The following TMPRSS11B variants were observed in gnomAD, a reference collection of about 807,000 sequenced individuals.
TMPRSS11B encodes the protein transmembrane protease serine 11B.
Under a neutral mutation model 44.7 loss-of-function variants are expected in TMPRSS11B, and 53 were observed. The ratio of observed to expected loss-of-function variants is 1.19; its 90% CI spans 0.95 to 1.49. The LOEUF is 1.49. Among genes scored for constraint, TMPRSS11B ranks in the 40% most tolerant of loss-of-function variants. TMPRSS11B has a pLI of 0.00. For missense variants in TMPRSS11B, 526 were observed against 494.8 expected, an observed-to-expected ratio of 1.06 and a Z score of -0.60; for synonymous variants, 140 against 159.2, an observed-to-expected ratio of 0.88 and a Z score of 0.91.
Position 68,241,739 on chromosome 4 carries a change from G to T in TMPRSS11B, c.74C>A (p.Ala25Glu), listed in dbSNP as rs765977013. The change falls in exon 2 of 10, where the codon GCG (alanine) becomes GAG (glutamate). Residue 25 changes from alanine to glutamate, a missense_variant. By Grantham distance (107) the Ala-to-Glu change is moderately radical (BLOSUM62 -1). Transcript: ENST00000332644. Reference sequence around the variant, plus strand: ...ACCAATGGTTACTCCCAAGATTGCCGCCACTCCAAGAAAAATAAAGATCGT... The same window carrying T: ...ACCAATGGTTACTCCCAAGATTGCCTCCACTCCAAGAAAAATAAAGATCGT... Reference protein sequence around the residue: ...WTTIFIFLGVAAILGVTIGLL... With the variant: ...WTTIFIFLGVEAILGVTIGLL... 2 of 1,612,966 alleles carry T rather than the reference G, an allele frequency of 1.2e-6. No individual in the cohort carries two copies. The highest frequency in any genetic ancestry group is 1.1e-5 in the South Asian group (1 of 91,026).
chr4:68,232,750 G>A (rs554166697), intron 5 of TMPRSS11B, among the ~76,000 whole-genome samples: 1 of 152,284 alleles, frequency 6.6e-6, no homozygotes, highest in African/African-American at 2.4e-5. Flanking sequence ...GGGTACATGT[G>A]CACAACGTGC....
Position 68,236,068 on chromosome 4 carries a change from A to G in TMPRSS11B, c.242T>C (p.Met81Thr). 1 of 1,591,434 alleles carries G rather than the reference A, an allele frequency of 6.3e-7. No individual in the cohort carries two copies. Residue 81 changes from methionine (M) to threonine (T), a missense_variant and splice_region_variant, in exon 4 of 10, where the codon ATG becomes ACG. Met to Thr is a moderately conservative substitution (Grantham distance 81, BLOSUM62 -1). Coordinates refer to ENST00000332644, the MANE Select transcript of TMPRSS11B (RefSeq NM_182502.3). Reference sequence around the variant, plus strand: ...ACTGGAATTTTGAAATGCATTTAACATCTGACAAGAGAAAAAAAACAGTCA... The same window carrying G: ...ACTGGAATTTTGAAATGCATTTAACGTCTGACAAGAGAAAAAAAACAGTCA... ...TNLSKDIETK[M>T]LNAFQNSSIY... is the part of the protein sequence containing the mutation.
In TMPRSS11B at chr4:68,241,670, G is replaced by A; in HGVS notation, c.124+19C>T. ...AAGATTTATAGCAAGGATGAAAACT[G>A]AAAATAATCAGTACTCACCAACTGC... On this transcript the variant is annotated intron_variant, in intron 2 of 9. Coordinates refer to ENST00000332644, the MANE Select transcript of TMPRSS11B (RefSeq NM_182502.3). 1 of 1,460,994 alleles carries A rather than the reference G, an allele frequency of 6.8e-7. No individual in the cohort carries two copies. Among genetic ancestry groups the A allele is most frequent in the Non-Finnish European group, 9.5e-7 (1 of 1,050,976 alleles). 90.5% of individuals were successfully genotyped at this position (1,460,994 alleles called of 1,614,324 possible). A position where few individuals can be genotyped will look rare whatever the true frequency, so the allele number is the denominator to read the frequency against.
intron 2 of TMPRSS11B, among the ~76,000 whole-genome samples, chr4:68,236,794 C>T (rs1463082246): frequency 6.6e-6 from 1 of 152,076 alleles, no homozygotes; most frequent in African/African-American, 2.4e-5. Context: ...AGGAAACATA[C>T]AAGCATCAGT....
chr4:68,242,203 A>ACAAGT (rs1560445279), intron 1 of TMPRSS11B, among the ~76,000 whole-genome samples: 1 of 41,130 alleles, frequency 2.4e-5, no homozygotes, highest in African/African-American at 8.9e-5. Flanking sequence ...ACATAATATA[A>ACAAGT]TATAATATAT....
chr4:68,245,038 AAG>A (rs921469202), intron 1 of TMPRSS11B, among the ~76,000 whole-genome samples: 3 of 152,182 alleles, frequency 2.0e-5, no homozygotes, highest in African/African-American at 4.8e-5. Context: ...CTTTGAACAA[AAG>A]AGAGTCTACA....
At chr4:68,229,114 T>C (rs1331615696) in intron 8 of TMPRSS11B, 143 bp downstream of exon 8, 1 of 982,922 alleles carries the variant, frequency 1.0e-6, no homozygotes, top group Non-Finnish European at 1.5e-6. Context: ...TTTGACATCA[T>C]GCTTTTTGTC....
At position 68,228,810 on chromosome 4, in the gene TMPRSS11B, A is replaced by C. The variant is rs1238786930; in HGVS notation, c.1021T>G (p.Tyr341Asp). The C allele has an allele frequency of 1.9e-6, 3 of 1,613,892 alleles. No homozygotes were observed. The highest frequency in any genetic ancestry group is 2.5e-6 in the Non-Finnish European group (3 of 1,179,876). The change falls in exon 9 of 10, where the codon TAC (tyrosine) becomes GAC (aspartate). Residue 341 changes from tyrosine (Y) to aspartate (D), a missense_variant. Physicochemically the swap from Tyr to Asp is radical, Grantham distance 160 (BLOSUM62 -3). Transcript: ENST00000332644. ...ATTGTATCAGTCACAAAGCCAGAGT[A>C]TGCATATGAGGCATTGCAAATTTTG... ...DNKICNASYA[Y>D]SGFVTDTMLC...
chr4:68,235,521 T>C (rs1719634413), intron 4 of TMPRSS11B, among the ~76,000 whole-genome samples: 1 of 152,166 alleles, frequency 6.6e-6, no homozygotes, highest in South Asian at 2.1e-4. Context: ...CCTTCAAAGG[T>C]GTGTCTAGAC....
chr4:68,245,419 G>C (rs769513072), intron 1 of TMPRSS11B, 132 bp downstream of exon 1: 9 of 968,348 alleles, frequency 9.3e-6, no homozygotes, highest in Admixed American at 3.5e-5. Context: ...TCAGACAATA[G>C]AGTGTTTCTT....
intron 1 of TMPRSS11B, among the ~76,000 whole-genome samples, 185 bp downstream of exon 1, chr4:68,245,366 A>G (rs1719970898): frequency 6.6e-6 from 1 of 152,064 alleles, no homozygotes; most frequent in Non-Finnish European, 1.5e-5. Context: ...TTTCTTTTTA[A>G]CTTTTGGAAA....
intron 2 of TMPRSS11B, among the ~76,000 whole-genome samples, chr4:68,239,128 GT>G (rs1719750355): frequency 6.6e-6 from 1 of 152,216 alleles, no homozygotes; most frequent in Non-Finnish European, 1.5e-5. Flanking sequence ...AAACACCAAT[GT>G]GACTGTATTT....
intron 1 of TMPRSS11B, among the ~76,000 whole-genome samples, chr4:68,243,157 A>C (rs1383831891): frequency 6.6e-6 from 1 of 152,184 alleles, no homozygotes; most frequent in East Asian, 1.9e-4. Context: ...TCATGATTTC[A>C]AATGCAAAAC....
chr4:68,235,116 A>G (rs1236692717), intron 4 of TMPRSS11B, among the ~76,000 whole-genome samples: 1 of 152,180 alleles, frequency 6.6e-6, no homozygotes, highest in Admixed American at 6.5e-5. Flanking sequence ...AGATCTATAC[A>G]ATGAAAAAGC....
At chr4:68,244,790 A>G (rs1022689385) in intron 1 of TMPRSS11B, among the ~76,000 whole-genome samples, 7 of 152,248 alleles carry the variant, frequency 4.6e-5, no homozygotes, top group African/African-American at 1.7e-4. Flanking sequence ...TAAAAAATAT[A>G]TAATTTTCAT....
chr4:68,241,934 C>A, intron 1 of TMPRSS11B, 130 bp from the exon 2 acceptor site: 1 of 603,790 alleles, frequency 1.7e-6, no homozygotes, highest in Non-Finnish European at 3.0e-6. Flanking sequence ...AACATAGAAA[C>A]CTCAAATGCC....
chr4:68,228,912 G>A, intron 8 of TMPRSS11B, 28 bp from the exon 9 acceptor site: 1 of 1,602,916 alleles, frequency 6.2e-7, no homozygotes, highest in Non-Finnish European at 8.5e-7. Flanking sequence ...TGCATATTAT[G>A]CAGATCTTAG....
intron 5 of TMPRSS11B, among the ~76,000 whole-genome samples, chr4:68,232,894 G>A (rs1719556604): frequency 7.8e-6 from 1 of 128,474 alleles, no homozygotes; most frequent in Non-Finnish European, 1.5e-5. Flanking sequence ...GATCATGATA[G>A]AGATTTCTTT....
At chr4:68,229,623 A>G in intron 7 of TMPRSS11B, 107 bp from the exon 8 acceptor site, 1 of 989,920 alleles carries the variant, frequency 1.0e-6, no homozygotes, top group Non-Finnish European at 1.5e-6. Context: ...AAACAAAACT[A>G]TAAACCACTG....
Sources: gnomAD v4.1 joint callset for allele counts (sites outside exome capture counted in the v4.1 genomes callset) on GRCh38, gnomAD v4.1.1 for gene constraint, MANE v1.5 for transcripts, NCBI Gene and HGNC (gene_info 2026-07-23, HGNC 2026-07-21) for gene names.